NEB: variants seen among roughly 807,000 people sequenced by gnomAD.
NEB encodes the protein nebulin.
A neutral mutation model predicts 952.2 loss-of-function variants in NEB; 512 were observed. That is an observed-to-expected ratio of 0.54 (90% CI 0.50 to 0.58). NEB has a LOEUF of 0.58. NEB is among the 20% of genes least tolerant of loss of function. The pLI, the probability that NEB is intolerant of heterozygous loss-of-function variation, is 0.00. For missense variants in NEB, 8,428 were observed against 9,231.1 expected, an observed-to-expected ratio of 0.91 and a Z score of 3.56; for synonymous variants, 2,900 against 3,149.8, an observed-to-expected ratio of 0.92 and a Z score of 2.66.
intron 165 of NEB, among the ~76,000 whole-genome samples, chr2:151,503,675 T>A (rs1460624257): frequency 1.3e-5 from 2 of 152,176 alleles, no homozygotes; most frequent in African/African-American, 4.8e-5. Flanking sequence ...TGTAACCACT[T>A]AGTGCATGCC....
rs2054877375 is a variant in NEB at position 151,489,972 on chromosome 2, CCAG to C, written c.25400_25402del (p.Ala8467del). 1 of 1,581,024 alleles carries C rather than the reference CCAG, an allele frequency of 6.3e-7. No individual in the cohort carries two copies. The highest frequency in any genetic ancestry group is 8.7e-7 in the Non-Finnish European group (1 of 1,150,032). ...TTAAGTGAGTTGTTATTCACTTACT[CCAG>C]CAGTAGATGGATGAGATGGGATGGA... On this transcript the variant is annotated inframe_deletion and splice_region_variant, in exon 181 of 182. Coordinates refer to ENST00000397345, the MANE Select transcript of NEB (RefSeq NM_001164508.2).
At chr2:151,698,940 A>G (rs2099622837) in intron 13 of NEB, among the ~76,000 whole-genome samples, 1 of 145,080 alleles carries the variant, frequency 6.9e-6, no homozygotes, top group African/African-American at 2.5e-5. Flanking sequence ...ACATATGTAT[A>G]CATGTGCCAT....
At position 151,632,315 on chromosome 2, in the gene NEB, C is replaced by T. The variant is rs544575376; in HGVS notation, c.9415-969G>A. On this transcript the variant is annotated intron_variant, in intron 65 of 181. Transcript: ENST00000397345. Reference sequence around the variant, plus strand: ...AAAAACTTGTATTTTGTAGTCTAGACAAAAAAAAAAAAACTATTAGAATTA... The same window carrying T: ...AAAAACTTGTATTTTGTAGTCTAGATAAAAAAAAAAAAACTATTAGAATTA... Among the ~76,000 whole-genome samples, 18 of 128,954 alleles carry T rather than the reference C, an allele frequency of 1.4e-4. No individual in the cohort carries two copies. In the East Asian group the frequency reaches 3.6e-3, roughly 26 times the overall value. 84.6% of individuals were successfully genotyped at this position (128,954 alleles called of 152,430 possible).
intron 10 of NEB, among the ~76,000 whole-genome samples, chr2:151,715,135 A>C (rs1164164990): frequency 1.3e-5 from 2 of 152,230 alleles, no homozygotes; most frequent in Non-Finnish European, 2.9e-5. Context: ...CAAAGTACCC[A>C]ACACTGTCAC....
At chr2:151,506,619 C>A (rs1182818522) in intron 163 of NEB, among the ~76,000 whole-genome samples, 1 of 152,148 alleles carries the variant, frequency 6.6e-6, no homozygotes, top group Non-Finnish European at 1.5e-5. Context: ...CAAAAGAAAT[C>A]ACAATGTCAA....
At position 151,614,602 on chromosome 2, in the gene NEB, A is replaced by G. The variant is rs1203042378; in HGVS notation, c.11290-15T>C. The G allele has an allele frequency of 6.2e-7, 1 of 1,602,710 alleles. No individual in the cohort carries two copies. The highest frequency in any genetic ancestry group is 8.5e-7 in the Non-Finnish European group (1 of 1,170,736). The stretch of plus-strand genomic sequence containing the variant: ...TTGTACTTGTACTAAAAAAATAGAG[A>G]TATGAGTATAATGACAAGAACATCT... On this transcript the variant is annotated splice_polypyrimidine_tract_variant and intron_variant, in intron 76 of 181. Coordinates refer to ENST00000397345, the MANE Select transcript of NEB (RefSeq NM_001164508.2).
At chr2:151,668,630 T>C (rs968630167) in intron 39 of NEB, among the ~76,000 whole-genome samples, 4 of 152,162 alleles carry the variant, frequency 2.6e-5, no homozygotes, top group Non-Finnish European at 5.9e-5. Flanking sequence ...GCTAGTTACA[T>C]ACAAAAAAAG....
Position 151,570,513 on chromosome 2 carries a change from C to T in NEB, c.17102G>A (p.Arg5701Lys). 6.2e-7 allele frequency: 1 copy of T among 1,611,556 alleles called. No homozygotes were observed. The highest frequency in any genetic ancestry group is 8.5e-7 in the Non-Finnish European group (1 of 1,178,960). ...GCCACTCACGTCACTGGCAATCTCC[C>T]TGGAGGCCTTGGCAGCCTGGATGGG... ...AIPIQAAKAS[R>K]EIASDYKYKL... The change falls in exon 108 of 182, where the codon AGG becomes AAG. Residue 5701 changes from arginine (R) to lysine (K), a missense_variant. By Grantham distance (26) the Arg-to-Lys change is conservative. Transcript: ENST00000397345.
chr2:151,667,958 G>A (rs749386810), intron 39 of NEB, 47 bp from the exon 40 acceptor site: 1 of 1,465,434 alleles, frequency 6.8e-7, no homozygotes, highest in South Asian at 1.2e-5. Context: ...CATTAAAAGA[G>A]GAATGAAACA....
At chr2:151,540,882 C>T (rs569568388) in intron 136 of NEB, 81 bp from the exon 137 acceptor site, 10 of 1,197,488 alleles carry the variant, frequency 8.4e-6, no homozygotes, top group East Asian at 2.4e-5. Flanking sequence ...TCATTTCTAA[C>T]CATTCAGTGG....
chr2:151,610,650 A>T, intron 79 of NEB, 27 bp from the exon 80 acceptor site: 1 of 1,588,596 alleles, frequency 6.3e-7, no homozygotes, highest in Non-Finnish European at 8.6e-7. Flanking sequence ...AGACGACAGA[A>T]AATAAGAGTG....
chr2:151,498,071 T>C, intron 170 of NEB, 189 bp downstream of exon 170: 1 of 1,459,850 alleles, frequency 6.9e-7, no homozygotes, highest in East Asian at 2.5e-5. Flanking sequence ...CATGTTTGTT[T>C]GTAAATATCA....
Position 151,529,396 on chromosome 2 carries a change from T to C in NEB, c.21631-82A>G. On this transcript the variant is annotated intron_variant, in intron 145 of 181. Coordinates refer to ENST00000397345, the MANE Select transcript of NEB (RefSeq NM_001164508.2). ...CTTAAAAAACAAGAAATTAAATCCA[T>C]GCATGACTATAGTACACAATGCTCC... 4 of 891,152 alleles carry C rather than the reference T, an allele frequency of 4.5e-6. No individual in the cohort carries two copies. In the Admixed American group the frequency reaches 7.8e-5, roughly 17 times the overall value. The allele number at this position is 891,152 out of a possible 1,614,324, so 55.2% of individuals were successfully genotyped here. A position where few individuals can be genotyped will look rare whatever the true frequency, so the allele number is the denominator to read the frequency against.
intron 18 of NEB, among the ~76,000 whole-genome samples, chr2:151,694,956 A>G (rs2149275113): frequency 6.6e-6 from 1 of 152,336 alleles, no homozygotes; most frequent in East Asian, 1.9e-4. Context: ...ATATAAAGGC[A>G]TCACTTTCAT....
Position 151,568,351 on chromosome 2 carries a change from G to A in NEB, c.17701C>T (p.His5901Tyr), listed in dbSNP as rs771671158. 1.2e-6 allele frequency: 2 copies of A among 1,613,590 alleles called. No individual in the cohort carries two copies. Among genetic ancestry groups the A allele is most frequent in the Non-Finnish European group, 1.7e-6 (2 of 1,179,784 alleles). ...KYTLTETPLL[H>Y]TAQEAARILD... The stretch of plus-strand genomic sequence containing the variant: ...ATCCTAGCAGCCTCCTGGGCAGTGT[G>A]CAGCAGGGGGGTTTCTGTGAGGGTG... The change falls in exon 112 of 182, where the codon CAC becomes TAC. Residue 5901 changes from histidine to tyrosine, a missense_variant. Coordinates refer to ENST00000397345, the MANE Select transcript of NEB (RefSeq NM_001164508.2).
intron 135 of NEB, among the ~76,000 whole-genome samples, chr2:151,542,027 A>T (rs2094136179): frequency 6.6e-6 from 1 of 152,096 alleles, no homozygotes; most frequent in Non-Finnish European, 1.5e-5. Context: ...ATTTCTCAAG[A>T]CCATAGTTTG....
At chr2:151,505,094 GTATGT>G (rs1043101127) in intron 165 of NEB, among the ~76,000 whole-genome samples, 2 of 152,040 alleles carry the variant, frequency 1.3e-5, no homozygotes, top group African/African-American at 2.4e-5. Context: ...CAAAACCAAA[GTATGT>G]TATACTACTT....
intron 138 of NEB, among the ~76,000 whole-genome samples, chr2:151,539,368 A>G (rs1422076249): frequency 6.6e-6 from 1 of 152,196 alleles, no homozygotes; most frequent in East Asian, 1.9e-4. Flanking sequence ...TCTAACTAGT[A>G]GGCTCTTCTC....
In NEB at chr2:151,642,614, G is replaced by C; in HGVS notation, c.8333C>G (p.Pro2778Arg). 6.2e-7 allele frequency: 1 copy of C among 1,613,772 alleles called. No individual in the cohort carries two copies. The highest frequency in any genetic ancestry group is 8.5e-7 in the Non-Finnish European group (1 of 1,179,752). The change falls in exon 60 of 182, where the codon CCT (proline) becomes CGT (arginine). Residue 2778 changes from proline (P) to arginine (R), a missense_variant. Coordinates refer to ENST00000397345, the MANE Select transcript of NEB (RefSeq NM_001164508.2). ...KGYDMRVDAI[P>R]IKAAKASRDI... Reference sequence around the variant, plus strand: ...TCTGGAGGCCTTGGCTGCCTTGATAGGAATGGCATCTACCCGCATGTCATA... The same window carrying C: ...TCTGGAGGCCTTGGCTGCCTTGATACGAATGGCATCTACCCGCATGTCATA...
Sources: gnomAD v4.1 joint callset for allele counts (sites outside exome capture counted in the v4.1 genomes callset) on GRCh38, gnomAD v4.1.1 for gene constraint, MANE v1.5 for transcripts, NCBI Gene and HGNC (gene_info 2026-07-23, HGNC 2026-07-21) for gene names.